Variants in GSE1 observed in about 807,000 individuals in gnomAD.
GSE1 encodes Gse1 coiled-coil protein, also known as genetic suppressor element 1.
Under a neutral mutation model 112.6 loss-of-function variants are expected in GSE1, and 32 were observed. The observed-to-expected ratio is 0.28, with a 90% CI of 0.21 to 0.38. The LOEUF is 0.38. Among genes scored for constraint, GSE1 ranks in the 10% least tolerant of loss-of-function variants. GSE1 has a pLI of 1.00. For synonymous variants in GSE1, 1,115 were observed against 735.6 expected (o/e 1.52, Z -8.35); for missense variants, 2,348 against 1,699.2 (o/e 1.38, Z -6.71).
At chr16:85,504,685 A>G (rs2051479515) in intron 2 of GSE1, among the ~76,000 whole-genome samples, 1 of 152,254 alleles carries the variant, frequency 6.6e-6, no homozygotes, top group Non-Finnish European at 1.5e-5. Flanking sequence ...GCCAATTTAG[A>G]TAAATATTAA....
chr16:85,391,643 G>A (rs1456327780), intron 2 of GSE1, among the ~76,000 whole-genome samples: 1 of 152,162 alleles, frequency 6.6e-6, no homozygotes, highest in African/African-American at 2.4e-5. Context: ...AATTTAATAT[G>A]CCCACATTTT....
At chr16:85,356,996 C>T (rs1334966160) in intron 1 of GSE1, among the ~76,000 whole-genome samples, 4 of 152,202 alleles carry the variant, frequency 2.6e-5, no homozygotes, top group African/African-American at 9.6e-5. Context: ...GTTTGCCCAG[C>T]TCTCTGAGCC....
intron 8 of GSE1, among the ~76,000 whole-genome samples, chr16:85,660,241 C>G (rs1276358916): frequency 6.6e-6 from 1 of 152,178 alleles, no homozygotes; most frequent in African/African-American, 2.4e-5. Flanking sequence ...GAAAATCGAC[C>G]GAAACTGGAT....
At chr16:85,239,930 G>A (rs184153563) in intron 1 of GSE1, among the ~76,000 whole-genome samples, 236 of 152,326 alleles carry the variant, frequency 1.5e-3, no homozygotes, top group Middle Eastern at 3.4e-3. Context: ...TGCTGGTAAC[G>A]GGGTGCATCC....
At chr16:85,224,791 C>T (rs933955807) in intron 1 of GSE1, among the ~76,000 whole-genome samples, 22 of 150,766 alleles carry the variant, frequency 1.5e-4, no homozygotes, top group South Asian at 6.3e-4. Context: ...AGTTCGAGAC[C>T]AGCCTGGCCA....
In GSE1 at chr16:85,567,109, C is replaced by A. The variant is rs976559408; in HGVS notation, c.37+10746C>A. 3.3e-5 allele frequency among the ~76,000 whole-genome samples: 5 copies of A among 149,800 alleles called. No individual in the cohort carries two copies. The South Asian group carries it at 1.1e-3, about 32-fold the overall frequency. On this transcript the variant is annotated intron_variant, in intron 1 of 2. Transcript: ENST00000635906. ...TCTCCTGGAAAGTTTCACTCACAGG[C>A]GGATTTCAACCGCCTGTGCTGTCTT... is the stretch of plus-strand genomic sequence containing the variant.
intron 1 of GSE1, among the ~76,000 whole-genome samples, chr16:85,228,438 C>G (rs1317430579): frequency 6.6e-6 from 1 of 152,136 alleles, no homozygotes; most frequent in Non-Finnish European, 1.5e-5. Context: ...CGGCGAAGGC[C>G]CAGGCTTCCA....
intron 1 of GSE1, among the ~76,000 whole-genome samples, chr16:85,243,388 C>T (rs922928451): frequency 2.6e-5 from 4 of 152,216 alleles, no homozygotes; most frequent in Non-Finnish European, 5.9e-5. Context: ...GTGGGGCTTA[C>T]CCCAAACGGG....
intron 3 of GSE1, among the ~76,000 whole-genome samples, chr16:85,652,149 CT>C (rs2051413875): frequency 6.6e-6 from 1 of 152,230 alleles, no homozygotes; most frequent in Non-Finnish European, 1.5e-5. Context: ...GCCATCAACT[CT>C]GCTGCCCTGT....
chr16:85,269,447 A>AGTGTGT (rs35293678), intron 1 of GSE1, among the ~76,000 whole-genome samples: 3 of 146,192 alleles, frequency 2.1e-5, no homozygotes, highest in Non-Finnish European at 3.1e-5. Flanking sequence ...TGGGTGTGTG[A>AGTGTGT]GTGTGTGTGT....
intron 1 of GSE1, among the ~76,000 whole-genome samples, chr16:85,235,612 A>C (rs12595991): frequency 0.055 from 7,725 of 140,376 alleles, 427 homozygotes; most frequent in East Asian, 0.14. Flanking sequence ...CTCCTCTGCC[A>C]CCACGGGGGT....
At chr16:85,530,617 G>A (rs2044105927) in intron 2 of GSE1, among the ~76,000 whole-genome samples, 1 of 152,218 alleles carries the variant, frequency 6.6e-6, no homozygotes, top group Non-Finnish European at 1.5e-5. Context: ...GAGGATTACA[G>A]CCTGCAACGA....
At chr16:85,628,526 A>G (rs2049266646) in intron 1 of GSE1, among the ~76,000 whole-genome samples, 1 of 152,098 alleles carries the variant, frequency 6.6e-6, no homozygotes, top group Non-Finnish European at 1.5e-5. Flanking sequence ...GGGAGCAGGC[A>G]GAGGGCCTCC....
At chr16:85,325,188 C>G (rs974505065) in intron 1 of GSE1, among the ~76,000 whole-genome samples, 2 of 151,960 alleles carry the variant, frequency 1.3e-5, no homozygotes, top group Non-Finnish European at 2.9e-5. Flanking sequence ...AGGCTGGTCT[C>G]GAACTGCTAG....
chr16:85,332,036 G>C (rs1002718713), intron 1 of GSE1, among the ~76,000 whole-genome samples: 6 of 151,880 alleles, frequency 4.0e-5, no homozygotes, highest in African/African-American at 1.4e-4. Flanking sequence ...AGAGGCTCTG[G>C]GGCCCTTTGG....
rs935927409 is a variant in GSE1, at chr16:85,634,362, G to A, written c.226+230G>A. 3.9e-5 allele frequency among the ~76,000 whole-genome samples: 6 copies of A among 152,194 alleles called. No individual in the cohort carries two copies. The South Asian group carries it at 8.3e-4, about 21-fold the overall frequency. On this transcript the variant is annotated intron_variant, in intron 2 of 15. Coordinates refer to ENST00000253458, the MANE Select transcript of GSE1 (RefSeq NM_014615.5). ...GTCTCTCCTGCCTCTGTCCTTCCTC[G>A]GCCCCCGGAGCCACTGCAGGGGTGT...
intron 1 of GSE1, among the ~76,000 whole-genome samples, chr16:85,343,822 C>T (rs1475007585): frequency 6.6e-6 from 1 of 152,156 alleles, no homozygotes; most frequent in Non-Finnish European, 1.5e-5. Flanking sequence ...AGCAGGCTCC[C>T]CTCTCACTGC....
chr16:85,255,302 C>G (rs1906951894), intron 1 of GSE1, among the ~76,000 whole-genome samples: 1 of 152,180 alleles, frequency 6.6e-6, no homozygotes, highest in African/African-American at 2.4e-5. Flanking sequence ...AGCCCAGCTG[C>G]CGGCCCAGCC....
chr16:85,467,337 C>T (rs1026406429), intron 2 of GSE1, among the ~76,000 whole-genome samples: 17 of 152,246 alleles, frequency 1.1e-4, no homozygotes, highest in African/African-American at 3.9e-4. Flanking sequence ...ATGGTGGCAC[C>T]TGTCTTGTTC....
Sources: allele counts gnomAD v4.1 joint callset (sites outside exome capture counted in the v4.1 genomes callset), GRCh38; gene constraint gnomAD v4.1.1; transcripts MANE v1.5; gene names NCBI Gene and HGNC (gene_info 2026-07-23, HGNC 2026-07-21).